XKRX: variants seen among roughly 807,000 people sequenced by gnomAD.
The protein encoded by XKRX is XK related X-linked.
XKRX carries 11 observed loss-of-function variants against 22.4 expected under a neutral mutation model. The ratio of observed to expected loss-of-function variants is 0.49; its 90% CI spans 0.31 to 0.81. The LOEUF (loss-of-function observed/expected upper bound fraction) is 0.81. Ranked by LOEUF, XKRX falls within the 40% of genes least tolerant of loss-of-function variation. The pLI, the probability that XKRX is intolerant of heterozygous loss-of-function variation, is 0.05. For synonymous variants in XKRX, 114 were observed against 132.2 expected (o/e 0.86, Z 0.94); for missense variants, 320 against 336.5 (o/e 0.95, Z 0.38).
the XKRX span, among the ~76,000 whole-genome samples, chrX:100,943,392 T>TTTTTG: frequency 2.3e-3 from 253 of 111,756 alleles, no homozygotes; most frequent in Middle Eastern, 4.6e-3. Context: ...TTTTGTGTGT[T>TTTTTG]TTTTGTTTTG....
intron 1 of XKRX, among the ~76,000 whole-genome samples, chrX:100,925,713 C>T (rs1436306837): frequency 1.8e-5 from 2 of 111,774 alleles, no homozygotes; most frequent in African/African-American, 6.5e-5. Context: ...CTTTAAATTT[C>T]TTGGTTTCAA....
At chrX:100,925,203 GT>G (rs2085492934) in intron 1 of XKRX, among the ~76,000 whole-genome samples, 1 of 112,122 alleles carries the variant, frequency 8.9e-6, no homozygotes, top group Admixed American at 9.5e-5. Context: ...TTACATAAAT[GT>G]TCTGTTTCTA....
At chrX:100,951,121 C>T in the XKRX span, among the ~76,000 whole-genome samples, 1 of 106,503 alleles carries the variant, frequency 9.4e-6, no homozygotes, top group Non-Finnish European at 1.9e-5. Context: ...GTAATCCCAG[C>T]TACTAGGGAG....
At chrX:100,917,855 G>A (rs183918492) in intron 2 of XKRX, among the ~76,000 whole-genome samples, 21 of 110,169 alleles carry the variant, frequency 1.9e-4, no homozygotes, top group Non-Finnish European at 1.7e-4. Context: ...ACCCCCATAT[G>A]TTAGGAATCT....
the XKRX span, among the ~76,000 whole-genome samples, chrX:100,945,247 T>TACACACACACAC: frequency 1.1e-4 from 6 of 55,383 alleles, no homozygotes; most frequent in African/African-American, 2.0e-4. Flanking sequence ...ACCTGGGTGA[T>TACACACACACAC]ACACACACAC....
chrX:100,933,584 A>G (rs1330992986), upstream of XKRX, among the ~76,000 whole-genome samples: 2 of 110,439 alleles, frequency 1.8e-5, no homozygotes, highest in African/African-American at 6.6e-5. Context: ...CTTGCCTGTT[A>G]GTTCTGAGCC....
the XKRX span, among the ~76,000 whole-genome samples, chrX:100,951,650 GA>G: frequency 1.5e-3 from 161 of 109,759 alleles, no homozygotes; most frequent in African/African-American, 5.0e-3. Context: ...ATTCTTTGGG[GA>G]AAAAAAATCA....
chrX:100,937,542 T>C, the XKRX span, among the ~76,000 whole-genome samples: 2 of 111,919 alleles, frequency 1.8e-5, no homozygotes, highest in Non-Finnish European at 3.8e-5. Flanking sequence ...CAGAGGACTA[T>C]ACTTCGAGAA....
intron 1 of XKRX, among the ~76,000 whole-genome samples, chrX:100,927,165 C>A (rs1339455287): frequency 9.1e-6 from 1 of 110,371 alleles, no homozygotes; most frequent in African/African-American, 3.3e-5. Context: ...ATAACGAGAT[C>A]CCGTCTCTAC....
upstream of XKRX, among the ~76,000 whole-genome samples, chrX:100,930,798 A>G (rs182558712): frequency 1.1e-5 from 1 of 92,026 alleles, no homozygotes; most frequent in African/African-American, 4.1e-5. Context: ...TGACCAATTA[A>G]TCCCATTTCA....
the XKRX span, among the ~76,000 whole-genome samples, chrX:100,950,397 C>G: frequency 8.9e-6 from 1 of 111,854 alleles, no homozygotes; most frequent in East Asian, 2.8e-4. Flanking sequence ...ATACATGAAG[C>G]AAAAACTAAT....
chrX:100,908,250 G>A, the XKRX span, among the ~76,000 whole-genome samples: 77 of 109,743 alleles, frequency 7.0e-4, no homozygotes, highest in African/African-American at 2.5e-3. Context: ...CCAAGTAGCT[G>A]TGAGTACAGG....
chrX:100,946,089 G>A, the XKRX span, among the ~76,000 whole-genome samples: 3 of 109,648 alleles, frequency 2.7e-5, no homozygotes, highest in Non-Finnish European at 3.8e-5. Context: ...GGGAGGCTGA[G>A]GCAGGAGAAT....
At chrX:100,910,848 C>A, downstream of XKRX, 1 of 759,425 alleles carries the variant, frequency 1.3e-6, no homozygotes, top group Non-Finnish European at 2.0e-6. Context: ...GGTCTGAAGG[C>A]TAAGCTTTAC....
At chrX:100,897,593 ATGTGTGTGTGTG>A in the XKRX span, among the ~76,000 whole-genome samples, 255 of 66,455 alleles carry the variant, frequency 3.8e-3, 3 homozygotes, top group Non-Finnish European at 6.0e-3. Context: ...AAATATATAT[ATGTGTGTGTGTG>A]TGTGTGTGTG....
At position 100,914,539 on chromosome X, in the gene XKRX, A is replaced by C. The variant is rs747477826; in HGVS notation, c.1149T>G (p.Ile383Met). The change falls in exon 3 of 3, where the codon ATT becomes ATG. Residue 383 changes from isoleucine to methionine, a missense_variant. Coordinates refer to ENST00000372956, the MANE Select transcript of XKRX (RefSeq NM_212559.3). ...KVLLNYCHSL[I>M]ALQLIIAYLI... ...GATAAGCAATAATGAGCTGCAAGGC[A>C]ATCAAGGAATGACAGTAATTCAGTA... is the stretch of plus-strand genomic sequence containing the variant. The C allele has an allele frequency of 4.1e-6, 5 of 1,210,446 alleles. No individual in the cohort carries two copies. Among genetic ancestry groups the C allele is most frequent in the Admixed American group, 2.2e-5 (1 of 45,784 alleles).
chrX:100,957,612 T>C, the XKRX span: 1 of 569,871 alleles, frequency 1.8e-6, no homozygotes, highest in Non-Finnish European at 2.8e-6. Context: ...CACTTCCGGA[T>C]GCAGTGCCTC....
the XKRX span, among the ~76,000 whole-genome samples, chrX:100,904,902 C>A: frequency 1.8e-5 from 2 of 112,023 alleles, no homozygotes; most frequent in Non-Finnish European, 3.8e-5. Context: ...GGGCAGGGAA[C>A]CATATAGAGA....
At chrX:100,959,331 G>T in the XKRX span, among the ~76,000 whole-genome samples, 1 of 111,160 alleles carries the variant, frequency 9.0e-6, no homozygotes, top group African/African-American at 3.3e-5. Flanking sequence ...TTTTAAAAAT[G>T]GTATAGATGT....
Sources: gnomAD v4.1 joint callset for allele counts (sites outside exome capture counted in the v4.1 genomes callset) on GRCh38, gnomAD v4.1.1 for gene constraint, MANE v1.5 for transcripts, NCBI Gene and HGNC (gene_info 2026-07-23, HGNC 2026-07-21) for gene names.